Variants in FANK1 observed in about 807,000 individuals in gnomAD.
FANK1 encodes the protein fibronectin type III and ankyrin repeat domains 1.
FANK1 carries 44 observed loss-of-function variants against 45.3 expected under a neutral mutation model. The ratio of observed to expected loss-of-function variants is 0.97; its 90% confidence interval spans 0.76 to 1.25. FANK1 has a LOEUF of 1.25. Among genes scored for constraint, FANK1 ranks in the 50% most tolerant of loss-of-function variants. The pLI is 0.00. For synonymous variants in FANK1, 149 were observed against 152.5 expected (o/e 0.98, Z 0.17); for missense variants, 391 against 424.4 (o/e 0.92, Z 0.69).
At chr10:125,914,421 C>T (rs1431812847) in intron 1 of FANK1, among the ~76,000 whole-genome samples, 1 of 152,006 alleles carries the variant, frequency 6.6e-6, no homozygotes, top group Non-Finnish European at 1.5e-5. Flanking sequence ...AGGGAGGACA[C>T]ATGACAGTCA....
chr10:125,940,511 T>C (rs1362640271), intron 1 of FANK1, among the ~76,000 whole-genome samples: 1 of 152,172 alleles, frequency 6.6e-6, no homozygotes, highest in African/African-American at 2.4e-5. Context: ...GGCGGTTTTC[T>C]CCTATCTCAG....
intron 1 of FANK1, among the ~76,000 whole-genome samples, chr10:125,975,980 T>C (rs1435862474): frequency 6.6e-6 from 1 of 152,052 alleles, no homozygotes; most frequent in Non-Finnish European, 1.5e-5. Context: ...TTCCTTTCTA[T>C]ATTTACTGTT....
chr10:125,906,233 C>T (rs1259196864), intron 1 of FANK1, among the ~76,000 whole-genome samples: 1 of 151,978 alleles, frequency 6.6e-6, no homozygotes, highest in Non-Finnish European at 1.5e-5. Context: ...AAAGAAGGAG[C>T]AGCTAGGCAC....
Position 125,919,195 on chromosome 10 carries a change from A to ATTTTTTTTTTTT in FANK1, c.13+22557_13+22568dup, listed in dbSNP as rs142716284. On this transcript the variant is annotated intron_variant, in intron 1 of 10. Transcript: ENST00000368693. ...AGTAAAATACTTCCAGGAGGTAAGAATTTTTTTTTTTTTTTTTTTTTTTTT... is the reference window on the plus strand; with the variant it reads ...AGTAAAATACTTCCAGGAGGTAAGAATTTTTTTTTTTTTTTTTTTTTTTTTTTTTTTTTTTTT... Among the ~76,000 whole-genome samples, 142 of 51,876 alleles carry ATTTTTTTTTTTT rather than the reference A, an allele frequency of 2.7e-3. 21 individuals are homozygous for ATTTTTTTTTTTT. The highest frequency in any genetic ancestry group is 5.9e-3 in the African/African-American group (76 of 12,774). The allele number at this position is 51,876 out of a possible 152,430, so 34.0% of individuals were successfully genotyped here. A position where few individuals can be genotyped will look rare whatever the true frequency, so the allele number is the denominator to read the frequency against.
At chr10:125,981,449 A>AT (rs1288855870) in intron 2 of FANK1, among the ~76,000 whole-genome samples, 1 of 143,702 alleles carries the variant, frequency 7.0e-6, no homozygotes, top group Admixed American at 7.1e-5. Context: ...GTGAGCCATG[A>AT]TTGTGCCACT....
intron 1 of FANK1, among the ~76,000 whole-genome samples, chr10:125,958,054 G>A (rs546824347): frequency 2.0e-5 from 3 of 152,176 alleles, no homozygotes; most frequent in Middle Eastern, 3.4e-3. Flanking sequence ...TTGGGAGGGT[G>A]AACATTAAAT....
chr10:125,964,186 C>CTTTTTTTTTTTTT (rs71486557), intron 1 of FANK1, among the ~76,000 whole-genome samples: 2 of 78,390 alleles, frequency 2.6e-5, no homozygotes, highest in African/African-American at 5.4e-5. Context: ...TTCTCTCTCT[C>CTTTTTTTTTTTTT]TTTTTTTTTT....
intron 1 of FANK1, among the ~76,000 whole-genome samples, chr10:125,965,496 A>T (rs897489353): frequency 2.6e-5 from 4 of 152,224 alleles, no homozygotes; most frequent in African/African-American, 4.8e-5. Flanking sequence ...ATTTCCATAG[A>T]AGATCTCAGG....
intron 1 of FANK1, among the ~76,000 whole-genome samples, chr10:125,921,646 G>A (rs1006966202): frequency 6.6e-6 from 1 of 152,006 alleles, no homozygotes; most frequent in Non-Finnish European, 1.5e-5. Flanking sequence ...AAATACAGGG[G>A]TATTCAAGCT....
intron 1 of FANK1, among the ~76,000 whole-genome samples, chr10:125,948,402 T>C (rs553980087): frequency 9.4e-4 from 143 of 151,782 alleles, no homozygotes; most frequent in African/African-American, 3.4e-3. Context: ...AAGAATCAAA[T>C]AGACACAATA....
chr10:125,937,823 G>A (rs1318584639), intron 1 of FANK1, among the ~76,000 whole-genome samples: 1 of 152,166 alleles, frequency 6.6e-6, no homozygotes, highest in Non-Finnish European at 1.5e-5. Context: ...GTGGGAATGA[G>A]GTGGAAGGGA....
At chr10:125,965,152 G>C (rs1002227454) in intron 1 of FANK1, among the ~76,000 whole-genome samples, 4 of 152,060 alleles carry the variant, frequency 2.6e-5, no homozygotes, top group African/African-American at 9.7e-5. Context: ...GCAAAACTCC[G>C]TCTCTAAATA....
intron 4 of FANK1, 79 bp downstream of exon 4, chr10:125,995,577 T>C: frequency 7.1e-7 from 1 of 1,401,850 alleles, no homozygotes. Context: ...TTTCATTTTG[T>C]TTTCCTAAAA....
intron 1 of FANK1, among the ~76,000 whole-genome samples, chr10:125,944,898 G>T (rs1040762773): frequency 6.6e-6 from 1 of 152,110 alleles, no homozygotes; most frequent in South Asian, 2.1e-4. Context: ...TGAAGGCTGC[G>T]AGACCCCTGA....
At chr10:125,996,529 C>CT (rs756202244) in intron 4 of FANK1, 21 bp from the exon 5 acceptor site, 2 of 1,613,598 alleles carry the variant, frequency 1.2e-6, no homozygotes, top group African/African-American at 2.7e-5. Flanking sequence ...ATGTTTATCT[C>CT]TTTTCTCTGC....
At chr10:125,904,983 T>C (rs1209531957) in intron 1 of FANK1, among the ~76,000 whole-genome samples, 1 of 150,862 alleles carries the variant, frequency 6.6e-6, no homozygotes, top group Admixed American at 6.6e-5. Flanking sequence ...AAAAAAAAAT[T>C]AGCCGGGTGT....
rs550390663 is a variant in FANK1, at chr10:125,905,004, G to A, written c.13+8349G>A. On this transcript the variant is annotated intron_variant, in intron 1 of 10. Transcript: ENST00000368693. ...AAATTAGCCGGGTGTGGTGGTGGGCGCCTGTAGTCCCAGCTACCAGGGAGG... is the reference window on the plus strand; with the variant it reads ...AAATTAGCCGGGTGTGGTGGTGGGCACCTGTAGTCCCAGCTACCAGGGAGG... Among the ~76,000 whole-genome samples the A allele has an allele frequency of 3.0e-4, 45 of 151,846 alleles. 1 individual carries two copies. In the South Asian group the frequency reaches 8.5e-3, roughly 29 times the overall value.
rs886300217 is a variant in FANK1 at position 125,997,399 on chromosome 10, A to G, written c.474-21A>G. ...TGATCAAGGTGACTTATCTAGCTAC[A>G]CTTAAGTTTGTTTCCTTTAGGCTTG... On this transcript the variant is annotated intron_variant, in intron 5 of 10. Coordinates refer to ENST00000368693, the MANE Select transcript of FANK1 (RefSeq NM_145235.5). 5.6e-6 allele frequency: 9 copies of G among 1,610,950 alleles called. No homozygotes were observed. The East Asian group carries it at 2.0e-4, about 36-fold the overall frequency.
At chr10:125,908,155 C>T (rs567651163) in intron 1 of FANK1, among the ~76,000 whole-genome samples, 25 of 152,172 alleles carry the variant, frequency 1.6e-4, no homozygotes, top group African/African-American at 2.9e-4. Flanking sequence ...CGCCACCACA[C>T]GCAGCTAATT....
Sources: allele counts gnomAD v4.1 joint callset (sites outside exome capture counted in the v4.1 genomes callset), GRCh38; gene constraint gnomAD v4.1.1; transcripts MANE v1.5; gene names NCBI Gene and HGNC (gene_info 2026-07-23, HGNC 2026-07-21).